Variants in DACH1 observed in about 807,000 individuals in gnomAD.
DACH1 encodes the protein dachshund homolog 1.
DACH1 carries 12 observed loss-of-function variants against 54.2 expected under a neutral mutation model. The observed-to-expected ratio is 0.22, with a 90% confidence interval of 0.14 to 0.36. DACH1 has a LOEUF of 0.36. Among genes scored for constraint, DACH1 ranks in the 10% least tolerant of loss-of-function variants. The pLI is 1.00. For synonymous variants in DACH1, 386 were observed against 366.2 expected (o/e 1.05, Z -0.62); for missense variants, 805 against 929.8 (o/e 0.87, Z 1.75).
At chr13:71,845,937 G>T in intron 1 of DACH1, 1 of 163,228 alleles carries the variant, frequency 6.1e-6, no homozygotes, top group East Asian at 1.6e-4. Flanking sequence ...CCGCCGTCTT[G>T]GAGCCTATGG....
At chr13:71,617,818 T>C (rs1444500786) in intron 3 of DACH1, among the ~76,000 whole-genome samples, 1 of 152,086 alleles carries the variant, frequency 6.6e-6, no homozygotes, top group Non-Finnish European at 1.5e-5. Flanking sequence ...GGCTATATAT[T>C]CAAAAGCAAT....
intron 4 of DACH1, among the ~76,000 whole-genome samples, chr13:71,565,094 G>A (rs960718938): frequency 2.0e-5 from 3 of 151,908 alleles, no homozygotes; most frequent in Non-Finnish European, 2.9e-5. Flanking sequence ...TTAATTTTTT[G>A]TATTGTTAGC....
intron 6 of DACH1, among the ~76,000 whole-genome samples, chr13:71,555,455 T>G (rs969465369): frequency 2.0e-5 from 3 of 151,940 alleles, no homozygotes; most frequent in Non-Finnish European, 2.9e-5. Flanking sequence ...GCAATTCTTC[T>G]GCCTCAGCCT....
intron 1 of DACH1, among the ~76,000 whole-genome samples, chr13:71,842,513 G>GT (rs1430441445): frequency 6.6e-6 from 1 of 152,086 alleles, no homozygotes; most frequent in Admixed American, 6.5e-5. Flanking sequence ...CAGAAGTTGA[G>GT]ACTGCAATGA....
At chr13:71,713,987 AT>A (rs1882856906) in intron 1 of DACH1, among the ~76,000 whole-genome samples, 1 of 152,100 alleles carries the variant, frequency 6.6e-6, no homozygotes, top group African/African-American at 2.4e-5. Flanking sequence ...AGGAAAAGTT[AT>A]TCTATCATTA....
chr13:71,492,517 G>A (rs1346437143), intron 6 of DACH1, among the ~76,000 whole-genome samples: 2 of 152,030 alleles, frequency 1.3e-5, no homozygotes, highest in African/African-American at 4.8e-5. Flanking sequence ...AATGGCCCTT[G>A]GAAGGAGCTC....
intron 6 of DACH1, among the ~76,000 whole-genome samples, chr13:71,544,224 C>T (rs906178008): frequency 3.3e-5 from 5 of 152,060 alleles, no homozygotes; most frequent in African/African-American, 7.2e-5. Flanking sequence ...AATCTTCCTG[C>T]GTATTCCTTA....
In DACH1 at chr13:71,796,472, T is replaced by C. The variant is rs551276542; in HGVS notation, c.848+69450A>G. Among the ~76,000 whole-genome samples the C allele has an allele frequency of 4.6e-5, 7 of 152,170 alleles. 2 individuals carry two copies. The highest frequency in any genetic ancestry group is 1.7e-4 in the African/African-American group (7 of 41,562). On this transcript the variant is annotated intron_variant, in intron 1 of 10. Coordinates refer to ENST00000613252, the MANE Select transcript of DACH1 (RefSeq NM_080759.6). ...AAGCTTTAAACTATTAACCAAATTT[T>C]CAGTATTAGTAATTCCCATTAGAAA...
chr13:71,545,954 A>G (rs1883438282), intron 6 of DACH1, among the ~76,000 whole-genome samples: 1 of 152,114 alleles, frequency 6.6e-6, no homozygotes, highest in South Asian at 2.1e-4. Flanking sequence ...AACTTAGAAG[A>G]AGAGCACAGA....
chr13:71,622,652 T>C (rs771650155), intron 3 of DACH1, among the ~76,000 whole-genome samples: 1 of 151,834 alleles, frequency 6.6e-6, no homozygotes, highest in Non-Finnish European at 1.5e-5. Context: ...TCCAGGACTT[T>C]CCATGATGAA....
Position 71,866,155 on chromosome 13 carries a change from GC to G in DACH1, c.614del (p.Gly205AlafsTer4). The stretch of plus-strand genomic sequence containing the variant: ...CCTGGGGCAGGCAGATCAGCTCGCA[GC>G]CCTCCACCGTGAAGGAAGCCACTTT... ...GAKVASFTVE[G>X]CELICLPQAF... is the part of the protein sequence containing the mutation. On this transcript the variant is annotated frameshift_variant, in exon 1 of 11. Coordinates refer to ENST00000613252, the MANE Select transcript of DACH1 (RefSeq NM_080759.6). LOFTEE classifies it high-confidence loss of function. 6.2e-7 allele frequency: 1 copy of G among 1,613,090 alleles called. No individual in the cohort carries two copies. Among genetic ancestry groups the G allele is most frequent in the South Asian group, 1.1e-5 (1 of 90,972 alleles).
intron 10 of DACH1, among the ~76,000 whole-genome samples, chr13:71,454,034 A>T (rs1875320094): frequency 7.0e-6 from 1 of 142,244 alleles, no homozygotes; most frequent in South Asian, 2.5e-4. Context: ...GTGCAACGTT[A>T]TATTAAAAAG....
chr13:71,744,430 A>G (rs1401538028), intron 1 of DACH1, among the ~76,000 whole-genome samples: 1 of 152,206 alleles, frequency 6.6e-6, no homozygotes, highest in Admixed American at 6.5e-5. Context: ...AGGAAGCACT[A>G]AAGGTATGGT....
At position 71,520,198 on chromosome 13, in the gene DACH1, G is replaced by T. The variant is rs529207651; in HGVS notation, c.1571-31050C>A. On this transcript the variant is annotated intron_variant, in intron 6 of 10. Transcript: ENST00000613252. ...TCTTGGGCAGTTGTATCCCATTATT[G>T]ATCTAGATTTCCTCATCATTAAAAC... Among the ~76,000 whole-genome samples the T allele has an allele frequency of 2.3e-3, 349 of 151,216 alleles. 1 individual carries two copies. Among genetic ancestry groups the T allele is most frequent in the Non-Finnish European group, 3.5e-3 (234 of 67,646 alleles).
intron 1 of DACH1, among the ~76,000 whole-genome samples, chr13:71,855,060 G>T (rs998926701): frequency 6.6e-6 from 1 of 151,940 alleles, no homozygotes; most frequent in Non-Finnish European, 1.5e-5. Flanking sequence ...AAGGAAAGTG[G>T]TATACCTTCC....
At chr13:71,511,220 G>A (rs189232071) in intron 6 of DACH1, among the ~76,000 whole-genome samples, 108 of 152,102 alleles carry the variant, frequency 7.1e-4, no homozygotes, top group Non-Finnish European at 1.4e-3. Flanking sequence ...GGTGGTGGCA[G>A]CCAGTTTAGA....
chr13:71,692,486 CTTTTT>C (rs1881546476), intron 1 of DACH1, among the ~76,000 whole-genome samples: 2 of 86,360 alleles, frequency 2.3e-5, no homozygotes, highest in Non-Finnish European at 4.6e-5. Context: ...TCTTTCCTTT[CTTTTT>C]CTTTCTTTTC....
intron 1 of DACH1, among the ~76,000 whole-genome samples, chr13:71,729,167 T>C (rs964053174): frequency 6.6e-6 from 1 of 152,056 alleles, no homozygotes; most frequent in African/African-American, 2.4e-5. Context: ...TAAATGTTTG[T>C]ACAGATTAAG....
At chr13:71,654,247 G>A (rs1285568815) in intron 2 of DACH1, among the ~76,000 whole-genome samples, 5 of 151,372 alleles carry the variant, frequency 3.3e-5, no homozygotes, top group African/African-American at 9.7e-5. Context: ...AAAATAAGCC[G>A]GGTGTGGCGG....
Sources: allele counts gnomAD v4.1 joint callset (sites outside exome capture counted in the v4.1 genomes callset), GRCh38; gene constraint gnomAD v4.1.1; transcripts MANE v1.5; gene names NCBI Gene and HGNC (gene_info 2026-07-23, HGNC 2026-07-21).